Variants in FUT9 observed in about 807,000 individuals in gnomAD.
FUT9 encodes 4-galactosyl-N-acetylglucosaminide 3-alpha-L-fucosyltransferase 9.
Under a neutral mutation model 29.7 loss-of-function variants are expected in FUT9, and 15 were observed. That is an observed-to-expected ratio of 0.51 (90% CI 0.34 to 0.78). The LOEUF is 0.78. FUT9 is among the 30% of genes least tolerant of loss of function. The pLI is 0.01. For missense variants in FUT9, 319 were observed against 425.4 expected, an observed-to-expected ratio of 0.75 and a Z score of 2.20; for synonymous variants, 169 against 153.7, an observed-to-expected ratio of 1.10 and a Z score of -0.74.
intron 1 of FUT9, among the ~76,000 whole-genome samples, chr6:96,032,543 T>C (rs1770282019): frequency 6.6e-6 from 1 of 151,654 alleles, no homozygotes; most frequent in Non-Finnish European, 1.5e-5. Flanking sequence ...CTAGAGTACA[T>C]TACTTCTTTA....
At chr6:96,017,166 C>A (rs995812197) in intron 1 of FUT9, among the ~76,000 whole-genome samples, 1 of 152,138 alleles carries the variant, frequency 6.6e-6, no homozygotes, top group Non-Finnish European at 1.5e-5. Context: ...GAGAGTAGCA[C>A]CAAACTTACC....
intron 1 of FUT9, among the ~76,000 whole-genome samples, chr6:96,050,058 G>A (rs2127937759): frequency 6.6e-6 from 1 of 152,242 alleles, no homozygotes; most frequent in African/African-American, 2.4e-5. Flanking sequence ...TGTGCAAACA[G>A]GGTTGCAAGG....
chr6:96,019,333 T>C (rs1335430790), intron 1 of FUT9, among the ~76,000 whole-genome samples: 1 of 152,002 alleles, frequency 6.6e-6, no homozygotes, highest in East Asian at 1.9e-4. Flanking sequence ...CTAATATATA[T>C]TTCTTGTATT....
chr6:96,019,188 C>G (rs764189817), intron 1 of FUT9, among the ~76,000 whole-genome samples: 1 of 151,366 alleles, frequency 6.6e-6, no homozygotes, highest in Non-Finnish European at 1.5e-5. Flanking sequence ...ACAAAAATAC[C>G]TTAAAAAAAG....
chr6:96,159,483 T>G (rs1407068378), intron 2 of FUT9, among the ~76,000 whole-genome samples: 2 of 152,178 alleles, frequency 1.3e-5, no homozygotes, highest in Non-Finnish European at 2.9e-5. Flanking sequence ...CCAAATGTAT[T>G]GGTAGACCTA....
chr6:96,043,304 G>A (rs201241944), intron 1 of FUT9, among the ~76,000 whole-genome samples: 14 of 151,678 alleles, frequency 9.2e-5, no homozygotes, highest in African/African-American at 1.7e-4. Flanking sequence ...TCTCGCCTCG[G>A]GTCCCAAAGT....
In FUT9 at chr6:96,208,153, A is replaced by G. The variant is rs1773867620; in HGVS notation, c.*3918A>G. ...TTTAGGAATTATTTGCGGAGGCTTTAAATTCTTACCTCCAATTGGAGGTTA... is the reference window on the plus strand; with the variant it reads ...TTTAGGAATTATTTGCGGAGGCTTTGAATTCTTACCTCCAATTGGAGGTTA... On this transcript the variant is annotated 3_prime_UTR_variant, in exon 3 of 3. Transcript: ENST00000302103. 6.0e-6 allele frequency: 1 copy of G among 166,972 alleles called. No individual in the cohort carries two copies. The allele number at this position is 166,972 out of a possible 1,614,324, so 10.3% of individuals were successfully genotyped here. A position where few individuals can be genotyped will look rare whatever the true frequency, so the allele number is the denominator to read the frequency against.
intron 1 of FUT9, among the ~76,000 whole-genome samples, chr6:96,041,899 AATT>A (rs1223987023): frequency 2.0e-5 from 3 of 152,148 alleles, no homozygotes; most frequent in Non-Finnish European, 2.9e-5. Context: ...AGAGAATTAC[AATT>A]ATTATTTGTA....
At chr6:96,112,115 G>A (rs1166798164) in intron 1 of FUT9, among the ~76,000 whole-genome samples, 1 of 152,196 alleles carries the variant, frequency 6.6e-6, no homozygotes, top group Non-Finnish European at 1.5e-5. Context: ...CCATGTGCAA[G>A]TGAAGATTGT....
At chr6:96,115,940 A>C (rs1316349339) in intron 2 of FUT9, among the ~76,000 whole-genome samples, 1 of 152,162 alleles carries the variant, frequency 6.6e-6, no homozygotes, top group African/African-American at 2.4e-5. Context: ...AGCCCTCCTC[A>C]TTACAATGAG....
intron 1 of FUT9, among the ~76,000 whole-genome samples, chr6:96,073,852 T>A (rs1452901629): frequency 6.6e-6 from 1 of 152,204 alleles, no homozygotes; most frequent in Non-Finnish European, 1.5e-5. Flanking sequence ...ACATCTGTCA[T>A]CTGTGGAATG....
intron 2 of FUT9, among the ~76,000 whole-genome samples, chr6:96,122,871 C>A (rs1333251453): frequency 6.6e-6 from 1 of 151,604 alleles, no homozygotes; most frequent in Non-Finnish European, 1.5e-5. Flanking sequence ...ACGGTGAAAC[C>A]CCGTCTCTAC....
At chr6:96,136,078 T>G (rs774868963) in intron 2 of FUT9, among the ~76,000 whole-genome samples, 1 of 151,710 alleles carries the variant, frequency 6.6e-6, no homozygotes, top group Non-Finnish European at 1.5e-5. Flanking sequence ...TGATGGCTTA[T>G]AGATTGACTT....
intron 2 of FUT9, among the ~76,000 whole-genome samples, chr6:96,164,900 C>A (rs1003033163): frequency 3.3e-5 from 5 of 152,148 alleles, no homozygotes; most frequent in African/African-American, 9.7e-5. Flanking sequence ...TGTTCAATAG[C>A]CATGTATGGC....
At chr6:96,148,855 A>C (rs1772622557) in intron 2 of FUT9, among the ~76,000 whole-genome samples, 2 of 152,160 alleles carry the variant, frequency 1.3e-5, no homozygotes, top group African/African-American at 4.8e-5. Context: ...GTGGGCTGTT[A>C]GACTTTTAAC....
At chr6:96,169,106 G>A (rs369430635) in intron 2 of FUT9, among the ~76,000 whole-genome samples, 12 of 152,122 alleles carry the variant, frequency 7.9e-5, no homozygotes, top group African/African-American at 2.4e-4. Context: ...GTACCAAGGC[G>A]CTGAAGGAGG....
intron 2 of FUT9, among the ~76,000 whole-genome samples, chr6:96,157,119 T>C (rs1772799809): frequency 6.6e-6 from 1 of 152,228 alleles, no homozygotes; most frequent in Admixed American, 6.5e-5. Flanking sequence ...GACATGAAAC[T>C]ATGACTGGCT....
intron 2 of FUT9, among the ~76,000 whole-genome samples, chr6:96,132,098 C>G (rs908889635): frequency 1.3e-5 from 2 of 151,980 alleles, no homozygotes; most frequent in Non-Finnish European, 2.9e-5. Flanking sequence ...CCACGTTACC[C>G]ATGATACATT....
At chr6:96,102,201 C>G (rs1030912271) in intron 1 of FUT9, among the ~76,000 whole-genome samples, 1 of 151,734 alleles carries the variant, frequency 6.6e-6, no homozygotes, top group African/African-American at 2.4e-5. Flanking sequence ...ATTATGTGCG[C>G]TAATGTAAAT....
Sources: gnomAD v4.1 joint callset for allele counts (sites outside exome capture counted in the v4.1 genomes callset) on GRCh38, gnomAD v4.1.1 for gene constraint, MANE v1.5 for transcripts, NCBI Gene and HGNC (gene_info 2026-07-23, HGNC 2026-07-21) for gene names.